BMPR1A: variants seen among roughly 807,000 people sequenced by gnomAD.
BMPR1A encodes the protein bone morphogenetic protein receptor type 1A.
In BMPR1A, 7 loss-of-function variants were observed where a neutral mutation model predicts 66.0. The observed-to-expected ratio is 0.11, with a 90% CI of 0.06 to 0.20. The LOEUF is 0.20. BMPR1A is among the 10% of genes least tolerant of loss of function. The probability of loss-of-function intolerance (pLI) is 1.00; values close to 1 mark genes in which losing one functional copy is unlikely to be tolerated. For synonymous variants in BMPR1A, 200 were observed against 229.7 expected (o/e 0.87, Z 1.17); for missense variants, 408 against 669.1 (o/e 0.61, Z 4.31).
chr10:86,869,773 A>G (rs1842832424), intron 2 of BMPR1A, among the ~76,000 whole-genome samples: 1 of 152,144 alleles, frequency 6.6e-6, no homozygotes, highest in Admixed American at 6.5e-5. Context: ...AAAAAAAAGA[A>G]TTGTTGAAAA....
At chr10:86,928,257 T>C (rs960627802), downstream of BMPR1A, 8 of 148,942 alleles carry the variant, frequency 5.4e-5, no homozygotes, top group Non-Finnish European at 1.0e-4. Flanking sequence ...AGTTTTGCTC[T>C]TGTTGCCCAG....
intron 2 of BMPR1A, among the ~76,000 whole-genome samples, chr10:86,848,897 C>T (rs1231445694): frequency 6.6e-6 from 1 of 152,200 alleles, no homozygotes; most frequent in East Asian, 1.9e-4. Context: ...TCAGCCCCCC[C>T]TCTATAATAG....
intron 1 of BMPR1A, among the ~76,000 whole-genome samples, chr10:86,807,789 C>G (rs12255790): frequency 0.023 from 3,446 of 152,164 alleles, 138 homozygotes; most frequent in African/African-American, 0.08. Flanking sequence ...CCTTTTGAGA[C>G]GGAGTTGCAC....
At position 86,919,303 on chromosome 10, in the gene BMPR1A, T is replaced by G; in HGVS notation, c.1000T>G (p.Leu334Val). The change falls in exon 10 of 13, where the codon TTG becomes GTG. Residue 334 changes from leucine to valine, a missense_variant. Transcript: ENST00000372037. ...ACTGGACACCAGAGCCCTGCTTAAATTGGCTTATTCAGCTGCCTGTGGTCT... is the reference window on the plus strand; with the variant it reads ...ACTGGACACCAGAGCCCTGCTTAAAGTGGCTTATTCAGCTGCCTGTGGTCT... ...ATLDTRALLK[L>V]AYSAACGLCH... The G allele has an allele frequency of 6.2e-7, 1 of 1,613,958 alleles. No homozygotes were observed. Among genetic ancestry groups the G allele is most frequent in the Non-Finnish European group, 8.5e-7 (1 of 1,179,874 alleles).
chr10:86,831,431 G>A (rs1408170336), intron 1 of BMPR1A, among the ~76,000 whole-genome samples: 1 of 152,152 alleles, frequency 6.6e-6, no homozygotes. Context: ...ACATTTAGAT[G>A]ACATTGGGTA....
intron 1 of BMPR1A, among the ~76,000 whole-genome samples, chr10:86,794,841 T>G (rs1454436026): frequency 2.0e-5 from 3 of 150,678 alleles, no homozygotes; most frequent in African/African-American, 7.3e-5. Context: ...TATAGATATA[T>G]AGATATAGAT....
At chr10:86,775,706 C>T (rs913067225) in intron 1 of BMPR1A, among the ~76,000 whole-genome samples, 2 of 151,796 alleles carry the variant, frequency 1.3e-5, no homozygotes, top group Admixed American at 1.3e-4. Context: ...ACAATGGCAA[C>T]AATACAGAAA....
chr10:86,812,939 C>T (rs1228769434), intron 1 of BMPR1A, among the ~76,000 whole-genome samples: 1 of 152,180 alleles, frequency 6.6e-6, no homozygotes, highest in Non-Finnish European at 1.5e-5. Context: ...TTTCACTGCC[C>T]TATAAATCCT....
rs1290658304 is a variant in BMPR1A at position 86,924,271 on chromosome 10, C to T, written c.*552C>T. ...TCCATGCACATGCACGCCGGGATTC[C>T]TCTGCTGCCATTTGAATTAGAAGAA... On this transcript the variant is annotated 3_prime_UTR_variant, in exon 13 of 13. Coordinates refer to ENST00000372037, the MANE Select transcript of BMPR1A (RefSeq NM_004329.3). 1 of 240,006 alleles carries T rather than the reference C, an allele frequency of 4.2e-6. No individual in the cohort carries two copies. The highest frequency in any genetic ancestry group is 2.2e-5 in the African/African-American group (1 of 45,354). 14.9% of individuals were successfully genotyped at this position (240,006 alleles called of 1,614,324 possible).
chr10:86,765,562 C>T (rs1052603199), intron 1 of BMPR1A, among the ~76,000 whole-genome samples: 1 of 150,954 alleles, frequency 6.6e-6, no homozygotes, highest in Non-Finnish European at 1.5e-5. Context: ...TCATAGTTGG[C>T]TCTTTGCTGC....
intron 1 of BMPR1A, among the ~76,000 whole-genome samples, chr10:86,795,773 A>G (rs1466094452): frequency 6.6e-6 from 1 of 152,142 alleles, no homozygotes; most frequent in African/African-American, 2.4e-5. Flanking sequence ...ATAATTTAGC[A>G]TTTCAAGTAA....
intron 3 of BMPR1A, among the ~76,000 whole-genome samples, chr10:86,879,236 T>A (rs1842957273): frequency 6.6e-6 from 1 of 152,204 alleles, no homozygotes; most frequent in Non-Finnish European, 1.5e-5. Context: ...AAGCTTGAGT[T>A]GACAATGCTC....
At chr10:86,811,132 G>A (rs1437743401) in intron 1 of BMPR1A, among the ~76,000 whole-genome samples, 1 of 152,108 alleles carries the variant, frequency 6.6e-6, no homozygotes, top group East Asian at 1.9e-4. Context: ...TCTGGCTCCC[G>A]GGTTCAAGTG....
intron 1 of BMPR1A, among the ~76,000 whole-genome samples, chr10:86,802,915 A>G (rs185437113): frequency 2.9e-4 from 44 of 151,752 alleles, no homozygotes; most frequent in African/African-American, 9.0e-4. Context: ...TCCAAAAAAG[A>G]CAAAGATTAG....
intron 2 of BMPR1A, among the ~76,000 whole-genome samples, chr10:86,840,258 G>T (rs1842407533): frequency 6.6e-6 from 1 of 152,146 alleles, no homozygotes; most frequent in Non-Finnish European, 1.5e-5. Flanking sequence ...GTTAATACTT[G>T]CAGCATTCAC....
At chr10:86,917,694 G>A (rs1242062813) in intron 9 of BMPR1A, among the ~76,000 whole-genome samples, 6 of 152,138 alleles carry the variant, frequency 3.9e-5, no homozygotes, top group African/African-American at 9.7e-5. Context: ...TTCATTGTAC[G>A]TTCTGTGTTT....
At chr10:86,855,191 A>C (rs964359671) in intron 2 of BMPR1A, 2 of 620,330 alleles carry the variant, frequency 3.2e-6, no homozygotes, top group African/African-American at 3.8e-5. Context: ...GGCGTGAGCC[A>C]CCACACCCTG....
intron 1 of BMPR1A, among the ~76,000 whole-genome samples, chr10:86,764,905 A>G (rs970799373): frequency 6.6e-6 from 1 of 152,190 alleles, no homozygotes; most frequent in Non-Finnish European, 1.5e-5. Context: ...ACTGTTAGGG[A>G]TACATTGGAT....
At position 86,837,247 on chromosome 10, in the gene BMPR1A, CTGTG is replaced by C. The variant is rs71019433; in HGVS notation, c.-267-1594_-267-1591del. 7.2e-5 allele frequency among the ~76,000 whole-genome samples: 10 copies of C among 138,098 alleles called. No homozygotes were observed. The South Asian group carries it at 7.4e-4, about 10-fold the overall frequency. 90.6% of individuals were successfully genotyped at this position (138,098 alleles called of 152,430 possible). A position where few individuals can be genotyped will look rare whatever the true frequency, so the allele number is the denominator to read the frequency against. On this transcript the variant is annotated intron_variant, in intron 1 of 12. Transcript: ENST00000372037. ...AGAATCAGGCTGTGTGTGTGTGTGT[CTGTG>C]TGTGTGTGTGTGTGTGTGTGTGTAA...
Sources: gnomAD v4.1 joint callset for allele counts (sites outside exome capture counted in the v4.1 genomes callset) on GRCh38, gnomAD v4.1.1 for gene constraint, MANE v1.5 for transcripts, NCBI Gene and HGNC (gene_info 2026-07-23, HGNC 2026-07-21) for gene names.